Variants in ARID1A observed in about 807,000 individuals in gnomAD.
ARID1A encodes the protein AT-rich interactive domain-containing protein 1A.
In ARID1A, 20 loss-of-function variants were observed where a neutral mutation model predicts 212.6. The ratio of observed to expected loss-of-function variants is 0.09; its 90% CI spans 0.07 to 0.14. ARID1A has a LOEUF of 0.14. Among genes scored for constraint, ARID1A ranks in the 10% least tolerant of loss-of-function variants. ARID1A has a pLI of 1.00. For missense variants in ARID1A, 2,587 were observed against 3,059.0 expected, an observed-to-expected ratio of 0.85 and a Z score of 3.64; for synonymous variants, 1,376 against 1,222.1, an observed-to-expected ratio of 1.13 and a Z score of -2.63.
chr1:26,712,275 C>T (rs1030877890), intron 1 of ARID1A, among the ~76,000 whole-genome samples: 1 of 152,204 alleles, frequency 6.6e-6, no homozygotes, highest in African/African-American at 2.4e-5. Flanking sequence ...ATTTGGTGTT[C>T]TCACAGTAAG....
chr1:26,699,974 C>G (rs1420038964), intron 1 of ARID1A, among the ~76,000 whole-genome samples: 4 of 152,092 alleles, frequency 2.6e-5, no homozygotes, highest in African/African-American at 9.7e-5. Flanking sequence ...TCTGTGCTGC[C>G]TTTGGATGAA....
chr1:26,696,243 G>C lies in ARID1A; in HGVS notation c.-161G>C, dbSNP rs2080249241. ...AGCCCGGAGCCTGAGCCGGCGGGGC[G>C]GGGGGGAGAGGAGCGAGCGCAGCGC... On this transcript the variant is annotated 5_prime_UTR_variant, in exon 1 of 20. Transcript: ENST00000324856. 2 of 877,646 alleles carry C rather than the reference G, an allele frequency of 2.3e-6. No homozygotes were observed. The highest frequency in any genetic ancestry group is 4.9e-5 in the Admixed American group (1 of 20,424). 54.4% of individuals were successfully genotyped at this position (877,646 alleles called of 1,614,324 possible).
chr1:26,774,494 C>T lies in ARID1A; in HGVS notation c.4267C>T (p.Pro1423Ser), dbSNP rs1433839740. 2 of 1,613,630 alleles carry T rather than the reference C, an allele frequency of 1.2e-6. No individual in the cohort carries two copies. The highest frequency in any genetic ancestry group is 1.1e-5 in the South Asian group (1 of 91,008). The change falls in exon 18 of 20, where the codon CCT (proline) becomes TCT (serine). Residue 1423 changes from proline to serine, a missense_variant. Around this residue, in one of 11 missense-constraint regions of ARID1A, gnomAD observed 890 missense variants for 1,098.2 expected, o/e 0.81. Coordinates refer to ENST00000324856, the MANE Select transcript of ARID1A (RefSeq NM_006015.6). The surrounding 1 kb of genome is among the most constrained non-coding windows in gnomAD (Gnocchi z 5.6). ...ASQQQAAQPS[P>S]QQDVYNQYGN... ...CCAGCAACAAGCTGCCCAGCCTTCC[C>T]CTCAGCAAGATGTATACAACCAGTA...
At chr1:26,761,266 T>C (rs2124058490) in intron 5 of ARID1A, 118 bp from the exon 6 acceptor site, 2 of 1,453,840 alleles carry the variant, frequency 1.4e-6, no homozygotes, top group Non-Finnish European at 1.9e-6. Context: ...TCTCTTTGTG[T>C]GTGATACTGG....
Position 26,697,328 on chromosome 1 carries a change from C to A in ARID1A, c.925C>A (p.Gln309Lys). ...LTSPSSARGY[Q>K]GYPGGDYSGG... is the part of the protein sequence containing the mutation. ...GTCGCCCAGCTCGGCCCGGGGCTAC[C>A]AGGGCTACCCCGGGGGCGACTACAG... Residue 309 changes from glutamine (Q) to lysine (K), a missense_variant, in exon 1 of 20, where the codon CAG becomes AAG. Gln to Lys is a moderately conservative substitution (Grantham distance 53). This residue lies in a region of ARID1A where 735 missense variants were observed against 590.6 expected (regional missense o/e 1.24). Transcript: ENST00000324856. 7.5e-7 allele frequency: 1 copy of A among 1,336,466 alleles called. No individual in the cohort carries two copies. The highest frequency in any genetic ancestry group is 3.1e-5 in the East Asian group (1 of 32,622). 82.8% of individuals were successfully genotyped at this position (1,336,466 alleles called of 1,614,324 possible). A position where few individuals can be genotyped will look rare whatever the true frequency, so the allele number is the denominator to read the frequency against.
intron 1 of ARID1A, among the ~76,000 whole-genome samples, chr1:26,718,688 A>G (rs747449391): frequency 2.0e-5 from 3 of 152,170 alleles, no homozygotes; most frequent in Non-Finnish European, 4.4e-5. Flanking sequence ...TTGTTATGCT[A>G]TATTGTTTAG....
rs2080249809 is a variant in ARID1A, at chr1:26,696,262, G to T, written c.-142G>T. ...CGGGGCGGGGGGGAGAGGAGCGAGCGCAGCGCAGCAGCGGAGCCCCGCGAG... is the reference window on the plus strand; with the variant it reads ...CGGGGCGGGGGGGAGAGGAGCGAGCTCAGCGCAGCAGCGGAGCCCCGCGAG... On this transcript the variant is annotated 5_prime_UTR_variant, in exon 1 of 20. Transcript: ENST00000324856. 1 of 1,024,376 alleles carries T rather than the reference G, an allele frequency of 9.8e-7. No homozygotes were observed. The highest frequency in any genetic ancestry group is 1.2e-6 in the Non-Finnish European group (1 of 816,384). The allele number at this position is 1,024,376 out of a possible 1,614,324, so 63.5% of individuals were successfully genotyped here.
intron 4 of ARID1A, among the ~76,000 whole-genome samples, chr1:26,736,256 G>A (rs1356985157): frequency 6.9e-6 from 1 of 145,610 alleles, no homozygotes. Context: ...AACCTGGGAG[G>A]CAGAGGTTGC....
intron 1 of ARID1A, among the ~76,000 whole-genome samples, chr1:26,725,028 A>AGG (rs1366358991): frequency 6.6e-6 from 1 of 151,684 alleles, no homozygotes; most frequent in Non-Finnish European, 1.5e-5. Context: ...AGTATATAGC[A>AGG]GGGGGCCCGA....
At chr1:26,758,235 CTT>C (rs1254644579) in intron 4 of ARID1A, among the ~76,000 whole-genome samples, 1 of 152,090 alleles carries the variant, frequency 6.6e-6, no homozygotes, top group Admixed American at 6.5e-5. Flanking sequence ...CTTGCTGCCT[CTT>C]TTAGTTTGTT....
intron 4 of ARID1A, among the ~76,000 whole-genome samples, chr1:26,758,769 A>G (rs2080964250): frequency 6.6e-6 from 1 of 152,212 alleles, no homozygotes; most frequent in Non-Finnish European, 1.5e-5. Flanking sequence ...TCTTGAAATC[A>G]TTCTATGCTG....
At chr1:26,758,287 A>G (rs1294329469) in intron 4 of ARID1A, among the ~76,000 whole-genome samples, 2 of 152,150 alleles carry the variant, frequency 1.3e-5, no homozygotes, top group African/African-American at 4.8e-5. Flanking sequence ...TAACTTAGCC[A>G]TCAAAACAGG....
chr1:26,710,527 A>ACACACACACACACACACACACC (rs915474721), intron 1 of ARID1A, among the ~76,000 whole-genome samples: 2 of 150,498 alleles, frequency 1.3e-5, no homozygotes, highest in African/African-American at 4.9e-5. Flanking sequence ...ACACACACAC[A>ACACACACACACACACACACACC]CCACTTGTTG....
chr1:26,749,932 AAG>A (rs1301450967), intron 4 of ARID1A, among the ~76,000 whole-genome samples: 1 of 152,254 alleles, frequency 6.6e-6, no homozygotes, highest in African/African-American at 2.4e-5. Context: ...AAGGGAAAGA[AAG>A]AGGACTAATA....
chr1:26,697,564 G>C, intron 1 of ARID1A, 24 bp downstream of exon 1: 4 of 1,305,592 alleles, frequency 3.1e-6, no homozygotes, highest in Non-Finnish European at 2.9e-6. Flanking sequence ...TGGGGAGGGG[G>C]CTGGGGCGAG....
At chr1:26,759,718 A>G (rs988020645) in intron 4 of ARID1A, among the ~76,000 whole-genome samples, 2 of 152,124 alleles carry the variant, frequency 1.3e-5, no homozygotes, top group Non-Finnish European at 2.9e-5. Flanking sequence ...CCTAGAGTGA[A>G]CTCTTTATTG....
rs772204322 is a variant in ARID1A, at chr1:26,697,311, G to A, written c.908G>A (p.Ser303Asn). The change falls in exon 1 of 20, where the codon AGC becomes AAC. Residue 303 changes from serine to asparagine, a missense_variant. This residue lies in a region of ARID1A where 735 missense variants were observed against 590.6 expected (regional missense o/e 1.24). Transcript: ENST00000324856. Reference sequence around the variant, plus strand: ...CTCAACCAACTGCTCACGTCGCCCAGCTCGGCCCGGGGCTACCAGGGCTAC... The same window carrying A: ...CTCAACCAACTGCTCACGTCGCCCAACTCGGCCCGGGGCTACCAGGGCTAC... ...PTLNQLLTSP[S>N]SARGYQGYPG... 1 of 1,346,998 alleles carries A rather than the reference G, an allele frequency of 7.4e-7. No individual in the cohort carries two copies. Among genetic ancestry groups the A allele is most frequent in the African/African-American group, 1.5e-5 (1 of 65,572 alleles). The allele number at this position is 1,346,998 out of a possible 1,614,324, so 83.4% of individuals were successfully genotyped here.
intron 4 of ARID1A, among the ~76,000 whole-genome samples, chr1:26,751,441 C>T: frequency 6.6e-6 from 1 of 152,052 alleles, no homozygotes; most frequent in East Asian, 1.9e-4. Context: ...AGCATGGAAC[C>T]CAGCCTTTGA....
chr1:26,756,169 T>TA (rs1015845667), intron 4 of ARID1A, among the ~76,000 whole-genome samples: 1 of 151,922 alleles, frequency 6.6e-6, no homozygotes, highest in African/African-American at 2.4e-5. Flanking sequence ...CCCAGAACGT[T>TA]AGGAGGCTGA....
Sources: gnomAD v4.1 joint callset for allele counts (sites outside exome capture counted in the v4.1 genomes callset) on GRCh38, gnomAD v4.1.1 for gene constraint, gnomAD v4.1.1 regional missense constraint, Gnocchi (gnomAD v3.1) non-coding constraint, MANE v1.5 for transcripts, NCBI Gene and HGNC (gene_info 2026-07-23, HGNC 2026-07-21) for gene names.